FYN: variants seen among roughly 807,000 people sequenced by gnomAD.
The protein encoded by FYN is tyrosine-protein kinase Fyn.
Under a neutral mutation model 70.2 loss-of-function variants are expected in FYN, and 10 were observed. The ratio of observed to expected loss-of-function variants is 0.14; its 90% CI spans 0.09 to 0.24. FYN has a LOEUF of 0.24. Among genes scored for constraint, FYN ranks in the 10% least tolerant of loss-of-function variants. The pLI, the probability that FYN is intolerant of heterozygous loss-of-function variation, is 1.00. For synonymous variants in FYN, 236 were observed against 248.6 expected (o/e 0.95, Z 0.48); for missense variants, 319 against 673.1 (o/e 0.47, Z 5.82).
At chr6:111,803,834 G>A (rs991444461) in intron 2 of FYN, among the ~76,000 whole-genome samples, 1 of 152,158 alleles carries the variant, frequency 6.6e-6, no homozygotes, top group Non-Finnish European at 1.5e-5. Context: ...AATAATCTGC[G>A]GAAATGCACA....
At chr6:111,699,567 C>T (rs139313518) in intron 9 of FYN, 38 of 1,613,994 alleles carry the variant, frequency 2.4e-5, no homozygotes, top group African/African-American at 2.1e-4. Flanking sequence ...CCAGACACAA[C>T]GAACGACGTG....
chr6:111,684,832 A>C (rs1217875083), intron 12 of FYN, among the ~76,000 whole-genome samples: 2 of 152,208 alleles, frequency 1.3e-5, no homozygotes, highest in Non-Finnish European at 1.5e-5. Flanking sequence ...CTTGGAGTAC[A>C]GACTGTGTTA....
chr6:111,815,940 TC>T (rs1399597870), intron 2 of FYN, among the ~76,000 whole-genome samples: 1 of 152,130 alleles, frequency 6.6e-6, no homozygotes, highest in Non-Finnish European at 1.5e-5. Context: ...GCTCAAGCAA[TC>T]CACCTGCCTC....
intron 3 of FYN, among the ~76,000 whole-genome samples, chr6:111,729,492 G>T: frequency 6.8e-6 from 1 of 146,998 alleles, no homozygotes; most frequent in Admixed American, 6.7e-5. Context: ...AAAAAAGGGG[G>T]TCGGGGGTGG....
At chr6:111,796,697 T>C (rs1771815957) in intron 2 of FYN, among the ~76,000 whole-genome samples, 1 of 152,228 alleles carries the variant, frequency 6.6e-6, no homozygotes. Flanking sequence ...CTGGGGATCC[T>C]GCCATCATGG....
rs706870 is a variant in FYN, at chr6:111,707,758, G to A, written c.443+164C>T. On this transcript the variant is annotated intron_variant, in intron 6 of 13. Coordinates refer to ENST00000354650, the MANE Select transcript of FYN (RefSeq NM_002037.5). ...CAAGAGAAACATTAAGTTAATAATA[G>A]TGCAAGTATTACACAGGGTAAAAAC... Among the ~76,000 whole-genome samples, 401 of 152,302 alleles carry A rather than the reference G, an allele frequency of 2.6e-3. 3 individuals carry two copies. Among genetic ancestry groups the A allele is most frequent in the African/African-American group, 9.2e-3 (383 of 41,568 alleles).
intron 3 of FYN, among the ~76,000 whole-genome samples, chr6:111,733,234 AC>A (rs1465774338): frequency 2.0e-5 from 3 of 152,138 alleles, no homozygotes; most frequent in African/African-American, 7.2e-5. Flanking sequence ...TTGACCTTTT[AC>A]ATATGCTATC....
chr6:111,764,534 TGCA>T (rs1803151453), intron 3 of FYN, among the ~76,000 whole-genome samples: 2 of 152,194 alleles, frequency 1.3e-5, no homozygotes, highest in African/African-American at 2.4e-5. Flanking sequence ...CTTTGCATAA[TGCA>T]AAGCTTGTGC....
At chr6:111,669,186 G>A (rs944919699) in intron 13 of FYN, among the ~76,000 whole-genome samples, 3 of 152,290 alleles carry the variant, frequency 2.0e-5, no homozygotes, top group Admixed American at 6.5e-5. Context: ...TGTAATCCCA[G>A]CACTTTGGGA....
chr6:111,791,063 A>G (rs1300779576), intron 2 of FYN, among the ~76,000 whole-genome samples: 1 of 152,144 alleles, frequency 6.6e-6, no homozygotes, highest in East Asian at 1.9e-4. Context: ...TGACAAGCAG[A>G]TTCTAAAGTT....
chr6:111,869,856 T>C (rs1447805361), intron 1 of FYN, among the ~76,000 whole-genome samples: 1 of 152,250 alleles, frequency 6.6e-6, no homozygotes, highest in Admixed American at 6.5e-5. Context: ...GAGTAGGAAT[T>C]GGCAACATTT....
chr6:111,797,153 G>A (rs577779026), intron 2 of FYN, among the ~76,000 whole-genome samples: 1 of 152,302 alleles, frequency 6.6e-6, no homozygotes, highest in African/African-American at 2.4e-5. Flanking sequence ...CATGCTGCAT[G>A]TTATCAGGGT....
chr6:111,719,962 A>G lies in FYN; in HGVS notation c.90T>C (p.Tyr30=). 5 of 1,614,192 alleles carry G rather than the reference A, an allele frequency of 3.1e-6. No homozygotes were observed. Among genetic ancestry groups the G allele is most frequent in the Non-Finnish European group, 3.4e-6 (4 of 1,180,036 alleles). The change falls in exon 4 of 14, where the codon TAT becomes TAC. Residue 30 remains tyrosine (Y), a synonymous_variant. Coordinates refer to ENST00000354650, the MANE Select transcript of FYN (RefSeq NM_002037.5). Reference sequence around the variant, plus strand: ...AGTGCTGAGGGGTGGGGTCTGTGCCATAGCGGTACCCAGAGCTCTGGTTCA... The same window carrying G: ...AGTGCTGAGGGGTGGGGTCTGTGCCGTAGCGGTACCCAGAGCTCTGGTTCA... ...GSLNQSSGYR[Y]GTDPTPQHYP...
intron 1 of FYN, among the ~76,000 whole-genome samples, chr6:111,856,494 T>A (rs756543352): frequency 2.0e-5 from 3 of 152,314 alleles, no homozygotes; most frequent in African/African-American, 7.2e-5. Flanking sequence ...TAATTACTTA[T>A]GTTATTATTT....
At chr6:111,811,588 T>C (rs1015948651) in intron 2 of FYN, among the ~76,000 whole-genome samples, 1 of 152,212 alleles carries the variant, frequency 6.6e-6, no homozygotes, top group African/African-American at 2.4e-5. Context: ...TCTGGGAATC[T>C]GTTCCAACCT....
chr6:111,870,277 G>A (rs931641401), intron 1 of FYN, among the ~76,000 whole-genome samples: 1 of 152,192 alleles, frequency 6.6e-6, no homozygotes, highest in Non-Finnish European at 1.5e-5. Context: ...AACAGGTTAC[G>A]ATGATAAGCT....
chr6:111,821,777 C>T (rs1048555970), intron 2 of FYN, among the ~76,000 whole-genome samples: 8 of 151,968 alleles, frequency 5.3e-5, no homozygotes, highest in Admixed American at 3.3e-4. Flanking sequence ...AGAACTCAAA[C>T]AAATTTACAA....
chr6:111,681,430 G>C (rs1408219862), intron 12 of FYN, among the ~76,000 whole-genome samples: 9 of 152,094 alleles, frequency 5.9e-5, no homozygotes, highest in Non-Finnish European at 1.0e-4. Flanking sequence ...CAAAGTGCTG[G>C]GACTACAGAT....
At chr6:111,707,683 C>T (rs1388027372) in intron 6 of FYN, among the ~76,000 whole-genome samples, 2 of 152,066 alleles carry the variant, frequency 1.3e-5, no homozygotes, top group Non-Finnish European at 2.9e-5. Flanking sequence ...ACTGGCTTTT[C>T]ATTTAGGGTA....
Sources: gnomAD v4.1 joint callset for allele counts (sites outside exome capture counted in the v4.1 genomes callset) on GRCh38, gnomAD v4.1.1 for gene constraint, MANE v1.5 for transcripts, NCBI Gene and HGNC (gene_info 2026-07-23, HGNC 2026-07-21) for gene names.